The following WDR35 variants were observed in gnomAD, a reference collection of about 807,000 sequenced individuals.
WDR35 encodes WD repeat-containing protein 35.
In WDR35, 118 loss-of-function variants were observed where a neutral mutation model predicts 158.3. That is an observed-to-expected ratio of 0.75 (90% CI 0.64 to 0.87). The LOEUF is 0.87. Ranked by LOEUF, WDR35 falls within the 40% of genes least tolerant of loss-of-function variation. The pLI is 0.00. For synonymous variants in WDR35, 448 were observed against 476.1 expected (o/e 0.94, Z 0.77); for missense variants, 1,263 against 1,405.8 (o/e 0.90, Z 1.62).
chr2:19,955,436 T>A (rs1193891087), intron 11 of WDR35, among the ~76,000 whole-genome samples: 1 of 152,232 alleles, frequency 6.6e-6, no homozygotes, highest in South Asian at 2.1e-4. Flanking sequence ...CTACTGTATA[T>A]GCTTTTATGA....
chr2:19,927,351 AT>A (rs1670387595), intron 25 of WDR35, among the ~76,000 whole-genome samples: 1 of 152,360 alleles, frequency 6.6e-6, no homozygotes, highest in East Asian at 1.9e-4. Context: ...GTTTAGGAAG[AT>A]TGCATTGCAG....
intron 25 of WDR35, among the ~76,000 whole-genome samples, chr2:19,923,876 T>C (rs1316069158): frequency 3.3e-5 from 5 of 152,198 alleles, no homozygotes; most frequent in African/African-American, 1.2e-4. Flanking sequence ...GGTTCTCATT[T>C]TGTAATGGGA....
intron 26 of WDR35, 135 bp downstream of exon 26, chr2:19,913,902 A>G (rs1669911821): frequency 7.0e-7 from 1 of 1,437,562 alleles, no homozygotes; most frequent in African/African-American, 1.4e-5. Flanking sequence ...TTGTAAAAAT[A>G]AATAAAATAG....
chr2:19,947,111 C>T (rs1479322121), intron 14 of WDR35, among the ~76,000 whole-genome samples: 3 of 152,120 alleles, frequency 2.0e-5, no homozygotes, highest in Non-Finnish European at 4.4e-5. Context: ...AAAAATAAAG[C>T]AGCATATAAT....
At position 19,913,540 on chromosome 2, in the gene WDR35, A is replaced by G. The variant is rs1365584003; in HGVS notation, c.*18T>C. Reference sequence around the variant, plus strand: ...TATGCTACATATATTTTACAGTTATATACAGTTTATCATTCCTTTATCCCA... The same window carrying G: ...TATGCTACATATATTTTACAGTTATGTACAGTTTATCATTCCTTTATCCCA... On this transcript the variant is annotated 3_prime_UTR_variant, in exon 27 of 27. Transcript: ENST00000281405. 1.9e-6 allele frequency: 3 copies of G among 1,613,868 alleles called. No individual in the cohort carries two copies. In the African/African-American group the frequency reaches 4.0e-5, roughly 22 times the overall value.
At chr2:19,929,173 A>G (rs1670450673) in intron 25 of WDR35, among the ~76,000 whole-genome samples, 1 of 152,224 alleles carries the variant, frequency 6.6e-6, no homozygotes, top group African/African-American at 2.4e-5. Context: ...TCAAGTAACT[A>G]TAACTTATAA....
chr2:19,927,049 G>C (rs1200973334), intron 25 of WDR35, among the ~76,000 whole-genome samples: 1 of 152,120 alleles, frequency 6.6e-6, no homozygotes, highest in East Asian at 1.9e-4. Context: ...GAGGAAAGTG[G>C]GACAACCAGT....
intron 10 of WDR35, among the ~76,000 whole-genome samples, chr2:19,963,571 C>T (rs1227748752): frequency 6.6e-6 from 1 of 152,090 alleles, no homozygotes; most frequent in Non-Finnish European, 1.5e-5. Context: ...GTACTTTCTT[C>T]CTCACTGGTG....
At chr2:19,946,952 T>C (rs1269349003) in intron 14 of WDR35, among the ~76,000 whole-genome samples, 3 of 152,180 alleles carry the variant, frequency 2.0e-5, no homozygotes, top group Non-Finnish European at 2.9e-5. Flanking sequence ...TACATATGTA[T>C]ATGAAAAATC....
At chr2:19,927,605 A>C (rs1034460475) in intron 25 of WDR35, among the ~76,000 whole-genome samples, 1 of 152,240 alleles carries the variant, frequency 6.6e-6, no homozygotes, top group Non-Finnish European at 1.5e-5. Context: ...TCTAGGAGCT[A>C]AACATTAAGG....
At position 19,941,811 on chromosome 2, in the gene WDR35, C is replaced by T. The variant is rs1227190911; in HGVS notation, c.1874G>A (p.Cys625Tyr). 7 of 1,572,498 alleles carry T rather than the reference C, an allele frequency of 4.5e-6. No individual in the cohort carries two copies. Among genetic ancestry groups the T allele is most frequent in the Non-Finnish European group, 6.1e-6 (7 of 1,151,268 alleles). The change falls in exon 17 of 27, where the codon TGT becomes TAT. Residue 625 changes from cysteine to tyrosine, a missense_variant. Cys to Tyr is a radical substitution (Grantham distance 194). Coordinates refer to ENST00000281405, the MANE Select transcript of WDR35 (RefSeq NM_020779.4). ...EEPIQTSGYI[C>Y]NFEDLEIKSV... The stretch of plus-strand genomic sequence containing the variant: ...TTTAATTTCTAAATCCTCAAAATTA[C>T]AAATATATCCAGAGGTCTGAATGGG...
intron 4 of WDR35, among the ~76,000 whole-genome samples, chr2:19,979,472 G>A (rs574775536): frequency 6.6e-6 from 1 of 152,048 alleles, no homozygotes; most frequent in South Asian, 2.1e-4. Flanking sequence ...CATCTCTAAT[G>A]CCGAATGACA....
chr2:19,926,873 C>A (rs1190117506), intron 25 of WDR35, among the ~76,000 whole-genome samples: 1 of 149,716 alleles, frequency 6.7e-6, no homozygotes, highest in Non-Finnish European at 1.5e-5. Context: ...AGCCAGATGC[C>A]AAGGAAGAGA....
chr2:19,922,162 G>A (rs940676170), intron 25 of WDR35, among the ~76,000 whole-genome samples: 4 of 152,186 alleles, frequency 2.6e-5, no homozygotes, highest in South Asian at 2.1e-4. Context: ...ACAGTGTGGC[G>A]ATTCCTCAAG....
intron 2 of WDR35, among the ~76,000 whole-genome samples, chr2:19,984,959 G>A (rs1023852799): frequency 6.6e-6 from 1 of 152,192 alleles, no homozygotes; most frequent in African/African-American, 2.4e-5. Context: ...TCATCTGGTT[G>A]CCTTGCTTCT....
At chr2:19,973,536 AAAG>A (rs1182505473) in intron 8 of WDR35, 24 bp downstream of exon 8, 3 of 1,614,074 alleles carry the variant, frequency 1.9e-6, no homozygotes, top group African/African-American at 1.3e-5. Flanking sequence ...AAATAGAAAG[AAAG>A]AAGATCAATT....
intron 13 of WDR35, among the ~76,000 whole-genome samples, chr2:19,949,782 T>G (rs767905098): frequency 6.6e-6 from 1 of 152,054 alleles, no homozygotes; most frequent in Non-Finnish European, 1.5e-5. Context: ...TTGAGGGAAA[T>G]TTAGGAAACA....
Position 19,912,320 on chromosome 2 carries a change from A to G in WDR35, c.*1238T>C, listed in dbSNP as rs1669863585. On this transcript the variant is annotated 3_prime_UTR_variant, in exon 27 of 27. Transcript: ENST00000281405. ...TCTATTTAGAGGCTACCATTGTACC[A>G]AGGTAATTTTCCACGAGGCGCATGA... The G allele has an allele frequency of 6.6e-6, 1 of 152,192 alleles. No homozygotes were observed. The highest frequency in any genetic ancestry group is 6.5e-5 in the Admixed American group (1 of 15,284). The allele number at this position is 152,192 out of a possible 1,614,324, so 9.4% of individuals were successfully genotyped here.
intron 5 of WDR35, among the ~76,000 whole-genome samples, chr2:19,977,205 T>G (rs1325605456): frequency 1.3e-5 from 2 of 152,200 alleles, no homozygotes; most frequent in East Asian, 3.8e-4. Flanking sequence ...TAAATTACCA[T>G]GCATATGCTG....
Sources: allele counts gnomAD v4.1 joint callset (sites outside exome capture counted in the v4.1 genomes callset), GRCh38; gene constraint gnomAD v4.1.1; transcripts MANE v1.5; gene names NCBI Gene and HGNC (gene_info 2026-07-23, HGNC 2026-07-21).